The following XRN1 variants were observed in gnomAD, a reference collection of about 807,000 sequenced individuals.
The protein encoded by XRN1 is 5'-3' exoribonuclease 1.
Under a neutral mutation model 222.3 loss-of-function variants are expected in XRN1, and 67 were observed. The ratio of observed to expected loss-of-function variants is 0.30; its 90% CI spans 0.25 to 0.37. XRN1 has a LOEUF of 0.37. Among genes scored for constraint, XRN1 ranks in the 10% least tolerant of loss-of-function variants. The pLI is 1.00. For missense variants in XRN1, 1,707 were observed against 2,000.2 expected, an observed-to-expected ratio of 0.85 and a Z score of 2.80; for synonymous variants, 643 against 652.4, an observed-to-expected ratio of 0.99 and a Z score of 0.22.
intron 18 of XRN1, 35 bp downstream of exon 18, chr3:142,403,639 G>A (rs1464469721): frequency 6.4e-7 from 1 of 1,562,704 alleles, no homozygotes; most frequent in African/African-American, 1.4e-5. Context: ...TACATTATAG[G>A]CATCTAATAA....
At chr3:142,429,706 A>C (rs1365025794) in intron 2 of XRN1, 1 of 152,168 alleles carries the variant, frequency 6.6e-6, no homozygotes, top group Non-Finnish European at 1.5e-5. Flanking sequence ...TTCTGACACC[A>C]GGTAGGTTAG....
At chr3:142,342,517 G>C (rs1176986140) in intron 33 of XRN1, among the ~76,000 whole-genome samples, 1 of 152,138 alleles carries the variant, frequency 6.6e-6, no homozygotes. Flanking sequence ...AAAACTGGAA[G>C]AATCACATTA....
chr3:142,383,319 T>C lies in XRN1; in HGVS notation c.2597A>G (p.Tyr866Cys). The change falls in exon 22 of 41, where the codon TAT (tyrosine) becomes TGT (cysteine). Residue 866 changes from tyrosine to cysteine, a missense_variant. Tyr to Cys is a radical substitution (Grantham distance 194, BLOSUM62 -2). Transcript: ENST00000392981. ...ACTAACTTCTCCAGTGCAGCCATAA[T>C]AGGGAGTTCCCAGCATAAAGACCAT... is the stretch of plus-strand genomic sequence containing the variant. ...RSMVFMLGTP[Y>C]YGCTGEVQDS... 1.9e-6 allele frequency: 3 copies of C among 1,613,402 alleles called. No homozygotes were observed. The highest frequency in any genetic ancestry group is 2.5e-6 in the Non-Finnish European group (3 of 1,179,658).
chr3:142,394,024 GC>G, intron 20 of XRN1, among the ~76,000 whole-genome samples: 1 of 152,058 alleles, frequency 6.6e-6, no homozygotes. Flanking sequence ...ATGGGGTTTT[GC>G]CATGTTGGGC....
Position 142,425,521 on chromosome 3 carries a change from T to G in XRN1, c.424A>C (p.Arg142=). Residue 142 remains arginine, a synonymous_variant, in exon 4 of 41, where the codon AGG becomes CGG. Coordinates refer to ENST00000392981, the MANE Select transcript of XRN1 (RefSeq NM_001282857.2). ...CITPGTEFMA[R]LHEHLKYFVN... ...AAATACTTCAGATGTTCATGTAACC[T>G]GGCCATAAATTCAGTTCCTAAAAAT... 6.2e-7 allele frequency: 1 copy of G among 1,611,696 alleles called. No homozygotes were observed.
At chr3:142,383,112 T>C (rs1445702204) in intron 22 of XRN1, among the ~76,000 whole-genome samples, 188 bp downstream of exon 22, 2 of 152,332 alleles carry the variant, frequency 1.3e-5, no homozygotes, top group African/African-American at 2.4e-5. Context: ...ACTAAAAGTA[T>C]ATGGTCTTTA....
chr3:142,381,683 C>A (rs1436514216), intron 22 of XRN1, among the ~76,000 whole-genome samples: 1 of 150,452 alleles, frequency 6.6e-6, no homozygotes, highest in Non-Finnish European at 1.5e-5. Context: ...TTCTTATTCT[C>A]AGCCTCCCAA....
chr3:142,378,950 G>A (rs917016614), intron 23 of XRN1, among the ~76,000 whole-genome samples: 4 of 152,114 alleles, frequency 2.6e-5, no homozygotes, highest in East Asian at 1.9e-4. Context: ...ATGGAAACGA[G>A]AAGAGAATGG....
intron 5 of XRN1, among the ~76,000 whole-genome samples, chr3:142,424,052 G>GA (rs1271693198): frequency 0.078 from 11,232 of 143,418 alleles, 1,352 homozygotes; most frequent in African/African-American, 0.26. Context: ...GAAAACTCAG[G>GA]AAAAAAAAAA....
At chr3:142,411,212 T>C (rs1195293176) in intron 15 of XRN1, among the ~76,000 whole-genome samples, 1 of 152,160 alleles carries the variant, frequency 6.6e-6, no homozygotes, top group Non-Finnish European at 1.5e-5. Context: ...TGGTAATTTA[T>C]TTCTGCCTTC....
chr3:142,423,109 T>C (rs2069106808), intron 6 of XRN1, among the ~76,000 whole-genome samples, 187 bp from the exon 7 acceptor site: 1 of 152,194 alleles, frequency 6.6e-6, no homozygotes, highest in Non-Finnish European at 1.5e-5. Flanking sequence ...AGATAATACA[T>C]GTTAAAGTTC....
In XRN1 at chr3:142,312,175, T is replaced by A. The variant is rs111815557; in HGVS notation, c.4783-362A>T. 5.0e-3 allele frequency among the ~76,000 whole-genome samples: 759 copies of A among 151,386 alleles called. 8 individuals are homozygous for A. The highest frequency in any genetic ancestry group is 0.018 in the African/African-American group (738 of 41,262). On this transcript the variant is annotated intron_variant, in intron 40 of 40. Transcript: ENST00000392981. Reference sequence around the variant, plus strand: ...GCCTGTAGCCTCAGGTACTCGGGAGTCTAAGATGGGAGGATCACTTGAGCC... The same window carrying A: ...GCCTGTAGCCTCAGGTACTCGGGAGACTAAGATGGGAGGATCACTTGAGCC...
intron 36 of XRN1, among the ~76,000 whole-genome samples, chr3:142,331,717 T>C (rs574240947): frequency 6.6e-6 from 1 of 152,346 alleles, no homozygotes; most frequent in South Asian, 2.1e-4. Flanking sequence ...TACAATTAAG[T>C]AATCACAAGA....
rs998605871 is a variant in XRN1, at chr3:142,307,701, T to A, written c.*3810A>T. 2.0e-5 allele frequency: 3 copies of A among 152,186 alleles called. No individual in the cohort carries two copies. The allele number at this position is 152,186 out of a possible 1,614,324, so 9.4% of individuals were successfully genotyped here. On this transcript the variant is annotated 3_prime_UTR_variant, in exon 41 of 41. Coordinates refer to ENST00000392981, the MANE Select transcript of XRN1 (RefSeq NM_001282857.2). ...TGGAGAAGTTTGATGGAAATATGAA[T>A]AAAGTCAGTCCGAACGACATTAATT...
At chr3:142,312,512 G>C (rs1036799803) in intron 40 of XRN1, 86 bp downstream of exon 40, 1 of 1,364,870 alleles carries the variant, frequency 7.3e-7, no homozygotes, top group African/African-American at 1.5e-5. Flanking sequence ...AGTTGGCACT[G>C]AATAAGTAAA....
Position 142,370,544 on chromosome 3 carries a change from A to T in XRN1, c.3145T>A (p.Leu1049Ile). 6.2e-7 allele frequency: 1 copy of T among 1,608,232 alleles called. No homozygotes were observed. The highest frequency in any genetic ancestry group is 8.5e-7 in the Non-Finnish European group (1 of 1,177,998). Residue 1049 changes from leucine (L) to isoleucine (I), a missense_variant, in exon 27 of 41, where the codon TTA (leucine) becomes ATA (isoleucine). By Grantham distance (5) the Leu-to-Ile change is conservative. This residue lies in a region of XRN1 where 1,234 missense variants were observed against 1,518.2 expected (regional missense o/e 0.81). Coordinates refer to ENST00000392981, the MANE Select transcript of XRN1 (RefSeq NM_001282857.2). ...VSTLSRSSCDLQILDAAIVEK... is the reference protein window; with the variant it reads ...VSTLSRSSCDIQILDAAIVEK... The stretch of plus-strand genomic sequence containing the variant: ...ACAATAGCTGCATCCAGAATTTGTA[A>T]ATCACAAGAAGAACGAGATAAAGTA...
At chr3:142,333,179 G>A (rs904362150) in intron 34 of XRN1, 90 bp from the exon 35 acceptor site, 49 of 1,370,704 alleles carry the variant, frequency 3.6e-5, no homozygotes, top group African/African-American at 1.8e-4. Flanking sequence ...ATGGTCATTC[G>A]ATTTTCACTC....
At chr3:142,412,801 T>G in intron 14 of XRN1, 138 bp from the exon 15 acceptor site, 1 of 571,888 alleles carries the variant, frequency 1.7e-6, no homozygotes, top group South Asian at 5.1e-5. Flanking sequence ...ACCTTTGATA[T>G]GTCACAATAT....
Position 142,432,807 on chromosome 3 carries a change from T to G in XRN1, c.162A>C (p.Arg54Ser). 6.2e-7 allele frequency: 1 copy of G among 1,614,024 alleles called. No individual in the cohort carries two copies. The highest frequency in any genetic ancestry group is 1.7e-4 in the Middle Eastern group (1 of 5,988). ...SHPNDDDVHF[R>S]ISDDKIFTDI... ...CAGTAAAGATTTTATCATCTGAAAT[T>G]CTAAAGTGAACATCATCATCATTAG... is the stretch of plus-strand genomic sequence containing the variant. Residue 54 changes from arginine (R) to serine (S), a missense_variant, in exon 2 of 41, where the codon AGA (arginine) becomes AGC (serine). Arg to Ser is a moderately radical substitution (Grantham distance 110). This residue lies in a region of XRN1 where 1,234 missense variants were observed against 1,518.2 expected (regional missense o/e 0.81). Transcript: ENST00000392981.
Sources: allele counts gnomAD v4.1 joint callset (sites outside exome capture counted in the v4.1 genomes callset), GRCh38; gene constraint gnomAD v4.1.1; regional missense constraint gnomAD v4.1.1; transcripts MANE v1.5; gene names NCBI Gene and HGNC (gene_info 2026-07-23, HGNC 2026-07-21).